Variants in AMBRA1 observed in about 807,000 individuals in gnomAD.
AMBRA1 encodes activating molecule in BECN1-regulated autophagy protein 1.
In AMBRA1, 47 loss-of-function variants were observed where a neutral mutation model predicts 125.4. The ratio of observed to expected loss-of-function variants is 0.37; its 90% CI spans 0.30 to 0.48. The LOEUF (loss-of-function observed/expected upper bound fraction) is 0.48. Ranked by LOEUF, AMBRA1 falls within the 20% of genes least tolerant of loss-of-function variation. AMBRA1 has a pLI of 0.99. For synonymous variants in AMBRA1, 626 were observed against 655.5 expected, an observed-to-expected ratio of 0.95 and a Z score of 0.69; for missense variants, 1,331 against 1,693.4, an observed-to-expected ratio of 0.79 and a Z score of 3.76.
At chr11:46,579,958 C>G (rs2044114184) in intron 1 of AMBRA1, among the ~76,000 whole-genome samples, 1 of 152,210 alleles carries the variant, frequency 6.6e-6, no homozygotes, top group African/African-American at 2.4e-5. Context: ...TGTGATCTAC[C>G]TGCCTCAGCC....
chr11:46,493,523 A>G, intron 11 of AMBRA1, 85 bp downstream of exon 11: 1 of 1,062,656 alleles, frequency 9.4e-7, no homozygotes, highest in African/African-American at 1.6e-5. Context: ...AGACACCATC[A>G]CATCAACATA....
intron 7 of AMBRA1, among the ~76,000 whole-genome samples, chr11:46,537,413 G>C (rs1208104694): frequency 1.3e-5 from 2 of 152,162 alleles, no homozygotes; most frequent in Non-Finnish European, 2.9e-5. Flanking sequence ...TGTCATCAGA[G>C]AGAGACTAGA....
rs537170409 is a variant in AMBRA1, at chr11:46,427,566, C to T, written c.2976+5908G>A. ...TGTTAAAACACACATGGCTGGGCCT[C>T]GCCCCCAGAGTTTCTGACTCAGCAG... On this transcript the variant is annotated intron_variant, in intron 14 of 17. Transcript: ENST00000683756. 1.3e-3 allele frequency among the ~76,000 whole-genome samples: 194 copies of T among 152,276 alleles called. 4 individuals carry two copies. In the South Asian group the frequency reaches 0.038, roughly 30 times the overall value.
Position 46,548,454 on chromosome 11 carries a change from G to T in AMBRA1, c.-74C>A. The T allele has an allele frequency of 6.3e-7, 1 of 1,584,562 alleles. No individual in the cohort carries two copies. Among genetic ancestry groups the T allele is most frequent in the Non-Finnish European group, 8.6e-7 (1 of 1,164,162 alleles). ...GTAACAGCTCCAACACACTGAAGCA[G>T]CTAAAATGAGGCCATACAGGTCCTT... On this transcript the variant is annotated 5_prime_UTR_variant, in exon 2 of 18. In the 5' UTR this introduces an upstream ATG that the reference lacks. Transcript: ENST00000683756.
intron 11 of AMBRA1, among the ~76,000 whole-genome samples, chr11:46,475,974 C>G (rs1182573928): frequency 6.6e-6 from 1 of 152,154 alleles, no homozygotes; most frequent in Admixed American, 6.5e-5. Flanking sequence ...GAACACTGTT[C>G]CCCTCCATAG....
At chr11:46,496,432 T>C (rs870242) in intron 9 of AMBRA1, among the ~76,000 whole-genome samples, 15 of 152,108 alleles carry the variant, frequency 9.9e-5, no homozygotes, top group African/African-American at 3.6e-4. Flanking sequence ...AGAAGCATCA[T>C]GGGTCAAATC....
At chr11:46,553,909 T>C (rs566729866) in intron 1 of AMBRA1, among the ~76,000 whole-genome samples, 1 of 152,220 alleles carries the variant, frequency 6.6e-6, no homozygotes, top group Admixed American at 6.5e-5. Context: ...AATATCAACA[T>C]TTTCAGGCCA....
At position 46,501,380 on chromosome 11, in the gene AMBRA1, G is replaced by A. The variant is rs539219796; in HGVS notation, c.2339+6811C>T. 1.7e-3 allele frequency among the ~76,000 whole-genome samples: 254 copies of A among 152,342 alleles called. 2 individuals carry two copies. Among genetic ancestry groups the A allele is most frequent in the Middle Eastern group, 3.4e-3 (1 of 294 alleles). On this transcript the variant is annotated intron_variant, in intron 9 of 17. Coordinates refer to ENST00000683756, the MANE Select transcript of AMBRA1 (RefSeq NM_001387011.1). ...TGTGTGCATGAGTGCACCCTGTGAC[G>A]GAATGGCATCCTGTCCAGGGCAGGT...
chr11:46,562,220 G>GA (rs965959707), intron 1 of AMBRA1, among the ~76,000 whole-genome samples: 1 of 152,040 alleles, frequency 6.6e-6, no homozygotes, highest in Non-Finnish European at 1.5e-5. Context: ...AGAGGCAGGT[G>GA]AAAAAAATAT....
At chr11:46,516,429 T>TTC (rs1331672641) in intron 7 of AMBRA1, among the ~76,000 whole-genome samples, 6 of 123,348 alleles carry the variant, frequency 4.9e-5, no homozygotes, top group Non-Finnish European at 9.6e-5. Context: ...CTTTCTTTTT[T>TTC]TTTTTTTTTT....
chr11:46,516,819 T>C (rs761297675), intron 7 of AMBRA1, among the ~76,000 whole-genome samples: 5 of 152,290 alleles, frequency 3.3e-5, no homozygotes, highest in African/African-American at 4.8e-5. Context: ...ATGGCAGTTC[T>C]GCACATTCTG....
intron 11 of AMBRA1, 96 bp downstream of exon 11, chr11:46,493,511 CA>C: frequency 1.0e-6 from 1 of 978,950 alleles, no homozygotes; most frequent in South Asian, 1.7e-5. Context: ...AGACAGATGC[CA>C]AGACACCATC....
Position 46,542,557 on chromosome 11 carries a change from G to A in AMBRA1, c.1460C>T (p.Ser487Phe). ...AATGCTGCCCGAGTTGTTTTGGCTGGAGCCATTCCCTCCATCTGACTCAGT... is the reference window on the plus strand; with the variant it reads ...AATGCTGCCCGAGTTGTTTTGGCTGAAGCCATTCCCTCCATCTGACTCAGT... ...LATESDGGNG[S>F]SQNNSGSIRH... Residue 487 changes from serine (S) to phenylalanine (F), a missense_variant, in exon 7 of 18, where the codon TCC (serine) becomes TTC (phenylalanine). This residue lies in a region of AMBRA1 where 689 missense variants were observed against 776.5 expected (regional missense o/e 0.89). Transcript: ENST00000683756. The surrounding 1 kb of genome is among the most constrained non-coding windows in gnomAD (Gnocchi z 5.9). 5 of 1,613,268 alleles carry A rather than the reference G, an allele frequency of 3.1e-6. No homozygotes were observed. The highest frequency in any genetic ancestry group is 4.2e-6 in the Non-Finnish European group (5 of 1,180,022).
chr11:46,496,608 T>C (rs1351628692), intron 9 of AMBRA1, among the ~76,000 whole-genome samples: 2 of 152,148 alleles, frequency 1.3e-5, no homozygotes, highest in African/African-American at 4.8e-5. Flanking sequence ...GCCAGTGCAC[T>C]GGACAGTACT....
Position 46,543,335 on chromosome 11 carries a change from G to A in AMBRA1, c.682C>T (p.Leu228Phe), listed in dbSNP as rs1269713019. The A allele has an allele frequency of 6.2e-7, 1 of 1,614,044 alleles. No homozygotes were observed. Among genetic ancestry groups the A allele is most frequent in the Admixed American group, 1.7e-5 (1 of 60,010 alleles). The change falls in exon 7 of 18, where the codon CTC (leucine) becomes TTC (phenylalanine). Residue 228 changes from leucine to phenylalanine, a missense_variant. Transcript: ENST00000683756. ...CGGCGAACTGGCTGTGATTGCAGGA[G>A]GGCACGCTGACGGTAGTGGGATAAT... ...TELSHYRQRA[L>F]LQSQPVRRTP...
chr11:46,525,434 C>T (rs1338191361), intron 7 of AMBRA1, among the ~76,000 whole-genome samples: 1 of 151,636 alleles, frequency 6.6e-6, no homozygotes, highest in African/African-American at 2.4e-5. Context: ...CCTGTCTCTA[C>T]TAAAAATACA....
At chr11:46,588,974 C>G (rs774120906) in intron 1 of AMBRA1, among the ~76,000 whole-genome samples, 1 of 152,098 alleles carries the variant, frequency 6.6e-6, no homozygotes, top group Non-Finnish European at 1.5e-5. Flanking sequence ...AAATTAACAT[C>G]TACTCTAAAG....
Position 46,477,079 on chromosome 11 carries a change from C to CCTGG in AMBRA1, c.2521+16528_2521+16529insCCAG, listed in dbSNP as rs1949844769. 2.0e-5 allele frequency among the ~76,000 whole-genome samples: 3 copies of CCTGG among 150,582 alleles called. No homozygotes were observed. In the East Asian group the frequency reaches 5.8e-4, roughly 29 times the overall value. ...TGAGCCGAGATTGCGCCACTGCACT[C>CCTGG]CAGCCTGGGCAAGACTGTCTCAAAA... On this transcript the variant is annotated intron_variant, in intron 11 of 17. Transcript: ENST00000683756.
chr11:46,528,241 C>T (rs559137427), intron 7 of AMBRA1, among the ~76,000 whole-genome samples: 6 of 152,278 alleles, frequency 3.9e-5, no homozygotes, highest in East Asian at 1.9e-4. Flanking sequence ...GGCACGATCC[C>T]GGCTCGCTGC....
Sources: allele counts gnomAD v4.1 joint callset (sites outside exome capture counted in the v4.1 genomes callset), GRCh38; gene constraint gnomAD v4.1.1; regional missense constraint gnomAD v4.1.1; non-coding constraint Gnocchi (gnomAD v3.1); transcripts MANE v1.5; gene names NCBI Gene and HGNC (gene_info 2026-07-23, HGNC 2026-07-21).